The following CHD1 variants were observed in gnomAD, a reference collection of about 807,000 sequenced individuals.
The protein encoded by CHD1 is ATP-dependent chromatin remodeler CHD1.
In CHD1, 36 loss-of-function variants were observed where a neutral mutation model predicts 224.2. The observed-to-expected ratio is 0.16, with a 90% CI of 0.12 to 0.21. The LOEUF (loss-of-function observed/expected upper bound fraction) is 0.21. Ranked by LOEUF, CHD1 falls within the 10% of genes least tolerant of loss-of-function variation. The probability of loss-of-function intolerance (pLI) is 1.00; values close to 1 mark genes in which losing one functional copy is unlikely to be tolerated. For missense variants in CHD1, 1,378 were observed against 1,994.8 expected, an observed-to-expected ratio of 0.69 and a Z score of 5.89; for synonymous variants, 668 against 658.3, an observed-to-expected ratio of 1.01 and a Z score of -0.23.
chr5:98,889,158 T>C lies in CHD1; in HGVS notation c.2261A>G (p.Glu754Gly). The change falls in exon 16 of 36, where the codon GAG becomes GGG. Residue 754 changes from glutamate to glycine, a missense_variant. Glu to Gly is a moderately conservative substitution (Grantham distance 98). Around this residue, in one of 16 missense-constraint regions of CHD1, gnomAD observed 58 missense variants for 90.0 expected, o/e 0.64. Coordinates refer to ENST00000614616, the MANE Select transcript of CHD1 (RefSeq NM_001270.4). ...STSGFLNIMM[E>G]LKKCCNHCYL... Reference sequence around the variant, plus strand: ...GCAATGGTTACAACATTTCTTTAGCTCCATCATAATGTTCAAAAAGCCTGA... The same window carrying C: ...GCAATGGTTACAACATTTCTTTAGCCCCATCATAATGTTCAAAAAGCCTGA... The C allele has an allele frequency of 6.2e-7, 1 of 1,608,026 alleles. No homozygotes were observed. The highest frequency in any genetic ancestry group is 8.5e-7 in the Non-Finnish European group (1 of 1,174,838).
intron 32 of CHD1, among the ~76,000 whole-genome samples, chr5:98,862,718 G>A (rs1283634806): frequency 2.0e-5 from 3 of 151,982 alleles, no homozygotes; most frequent in African/African-American, 7.2e-5. Flanking sequence ...CTAATTATAA[G>A]GATTCAAAAA....
rs1283020903 is a variant in CHD1 at position 98,888,166 on chromosome 5, T to C, written c.2418A>G (p.Arg806=). The change falls in exon 17 of 36, where the codon CGA becomes CGG. Residue 806 remains arginine, a synonymous_variant. Coordinates refer to ENST00000614616, the MANE Select transcript of CHD1 (RefSeq NM_001270.4). ...GCACCATTTGTGAAAAAATAAGAACTCGATTGCCTCGTTCTCTTAGGCGAA... is the reference window on the plus strand; with the variant it reads ...GCACCATTTGTGAAAAAATAAGAACCCGATTGCCTCGTTCTCTTAGGCGAA... ...LLIRLRERGN[R]VLIFSQMVRM... 2 of 1,610,654 alleles carry C rather than the reference T, an allele frequency of 1.2e-6. No individual in the cohort carries two copies. Among genetic ancestry groups the C allele is most frequent in the Non-Finnish European group, 1.7e-6 (2 of 1,177,620 alleles).
At chr5:98,906,655 T>C (rs1268946653) in intron 2 of CHD1, among the ~76,000 whole-genome samples, 1 of 152,176 alleles carries the variant, frequency 6.6e-6, no homozygotes, top group East Asian at 1.9e-4. Context: ...CTGATTCCCA[T>C]GTATGGGGAG....
At chr5:98,862,020 G>T (rs1463560247) in intron 32 of CHD1, among the ~76,000 whole-genome samples, 1 of 152,070 alleles carries the variant, frequency 6.6e-6, no homozygotes, top group African/African-American at 2.4e-5. Context: ...AGCCAGGCCT[G>T]GTAGCGTGGG....
intron 7 of CHD1, 116 bp downstream of exon 7, chr5:98,900,695 A>G: frequency 1.2e-6 from 1 of 863,866 alleles, no homozygotes; most frequent in Non-Finnish European, 1.8e-6. Context: ...CTCCTGATCC[A>G]TCGGCCTCGG....
chr5:98,901,236 T>A lies in CHD1; in HGVS notation c.537A>T (p.Glu179Asp). The change falls in exon 6 of 36, where the codon GAA becomes GAT. Residue 179 changes from glutamate to aspartate, a missense_variant. Physicochemically the swap from Glu to Asp is conservative, Grantham distance 45. Around this residue, in one of 16 missense-constraint regions of CHD1, gnomAD observed 306 missense variants for 298.1 expected, o/e 1.03. Transcript: ENST00000614616. ...EREKSSCDET[E>D]SDYEPKNKVK... ...CTTTGTTTTTTGGCTCATAATCAGATTCTGTTTCATCACAACTGCTTTTCT... is the reference window on the plus strand; with the variant it reads ...CTTTGTTTTTTGGCTCATAATCAGAATCTGTTTCATCACAACTGCTTTTCT... 6.2e-7 allele frequency: 1 copy of A among 1,613,948 alleles called. No homozygotes were observed. Among genetic ancestry groups the A allele is most frequent in the Admixed American group, 1.7e-5 (1 of 59,994 alleles).
At chr5:98,912,632 T>C (rs1580507478) in intron 2 of CHD1, among the ~76,000 whole-genome samples, 2 of 152,128 alleles carry the variant, frequency 1.3e-5, no homozygotes, top group East Asian at 1.9e-4. Flanking sequence ...GATTGAGCCA[T>C]GGTACTCCAT....
intron 23 of CHD1, among the ~76,000 whole-genome samples, chr5:98,877,698 C>G (rs1749866293): frequency 6.6e-6 from 1 of 151,994 alleles, no homozygotes. Flanking sequence ...TCCCTTGATC[C>G]TTTCACAAGA....
intron 2 of CHD1, among the ~76,000 whole-genome samples, chr5:98,921,182 T>A (rs937107062): frequency 1.3e-5 from 2 of 152,322 alleles, no homozygotes; most frequent in African/African-American, 4.8e-5. Context: ...CACAATGCCC[T>A]ATGTGCATCA....
chr5:98,920,950 GCAATGTGGC>G (rs889280125), intron 2 of CHD1, among the ~76,000 whole-genome samples: 2 of 152,164 alleles, frequency 1.3e-5, no homozygotes, highest in Non-Finnish European at 2.9e-5. Flanking sequence ...ACAACTAAAT[GCAATGTGGC>G]ACTCTGGATT....
chr5:98,888,118 T>C lies in CHD1; in HGVS notation c.2466A>G (p.Glu822=). The C allele has an allele frequency of 6.2e-7, 1 of 1,601,604 alleles. No individual in the cohort carries two copies. Among genetic ancestry groups the C allele is most frequent in the East Asian group, 2.2e-5 (1 of 44,574 alleles). Reference sequence around the variant, plus strand: ...AGGGGAATTGACGATATTTCAAATATTCTGCAAGTATATCTAACATCCGCA... The same window carrying C: ...AGGGGAATTGACGATATTTCAAATACTCTGCAAGTATATCTAACATCCGCA... ...QMVRMLDILA[E]YLKYRQFPFQ... The change falls in exon 17 of 36, where the codon GAA becomes GAG. Residue 822 remains glutamate (E), a synonymous_variant. Coordinates refer to ENST00000614616, the MANE Select transcript of CHD1 (RefSeq NM_001270.4).
chr5:98,884,366 G>A (rs776091073), intron 18 of CHD1, among the ~76,000 whole-genome samples: 19 of 152,050 alleles, frequency 1.2e-4, no homozygotes, highest in Non-Finnish European at 1.8e-4. Flanking sequence ...GAGCCACCAC[G>A]CCCAGCCTGG....
chr5:98,875,170 G>T, intron 24 of CHD1, 57 bp from the exon 25 acceptor site: 2 of 948,878 alleles, frequency 2.1e-6, no homozygotes, highest in African/African-American at 1.7e-5. Context: ...AAAATTATAC[G>T]TATTTCTGAT....
At chr5:98,922,902 T>C (rs1342125872) in intron 2 of CHD1, among the ~76,000 whole-genome samples, 2 of 152,006 alleles carry the variant, frequency 1.3e-5, no homozygotes, top group Non-Finnish European at 2.9e-5. Context: ...GGCAGGAAAA[T>C]TGCTTGAACT....
intron 13 of CHD1, 30 bp downstream of exon 13, chr5:98,894,567 G>T: frequency 1.1e-6 from 1 of 899,124 alleles, no homozygotes; most frequent in Non-Finnish European, 1.7e-6. Flanking sequence ...ATATACAAGA[G>T]ACCAAAACAC....
intron 2 of CHD1, among the ~76,000 whole-genome samples, chr5:98,922,881 C>T (rs865989629): frequency 3.5e-4 from 53 of 152,054 alleles, no homozygotes; most frequent in African/African-American, 1.2e-3. Context: ...CCCAGCTACT[C>T]GGGAGGCTGA....
Position 98,872,034 on chromosome 5 carries a change from C to A in CHD1, c.3861+17G>T. 2 of 1,569,282 alleles carry A rather than the reference C, an allele frequency of 1.3e-6. No homozygotes were observed. Among genetic ancestry groups the A allele is most frequent in the African/African-American group, 1.4e-5 (1 of 73,136 alleles). On this transcript the variant is annotated intron_variant, in intron 28 of 35. Coordinates refer to ENST00000614616, the MANE Select transcript of CHD1 (RefSeq NM_001270.4). ...ATTCAACATGAATGGTTAACAGAATCAGAAATAGATAAATACCTTGTGTGT... is the reference window on the plus strand; with the variant it reads ...ATTCAACATGAATGGTTAACAGAATAAGAAATAGATAAATACCTTGTGTGT...
chr5:98,859,053 A>T (rs765189511), intron 33 of CHD1, 38 bp from the exon 34 acceptor site: 4 of 1,472,320 alleles, frequency 2.7e-6, no homozygotes, highest in Non-Finnish European at 1.8e-6. Context: ...TCTTTAGGTG[A>T]CTTCACAAAC....
At chr5:98,915,839 T>C (rs1561544606) in intron 2 of CHD1, among the ~76,000 whole-genome samples, 1 of 152,310 alleles carries the variant, frequency 6.6e-6, no homozygotes, top group East Asian at 1.9e-4. Flanking sequence ...AGTACTTTAA[T>C]ATAAACTTCA....
Sources: allele counts gnomAD v4.1 joint callset (sites outside exome capture counted in the v4.1 genomes callset), GRCh38; gene constraint gnomAD v4.1.1; regional missense constraint gnomAD v4.1.1; transcripts MANE v1.5; gene names NCBI Gene and HGNC (gene_info 2026-07-23, HGNC 2026-07-21).